ASIC2: variants seen among roughly 807,000 people sequenced by gnomAD.
The protein encoded by ASIC2 is acid-sensing ion channel 2.
ASIC2 carries 25 observed loss-of-function variants against 57.3 expected under a neutral mutation model. The ratio of observed to expected loss-of-function variants is 0.44; its 90% CI spans 0.32 to 0.61. ASIC2 has a LOEUF of 0.61. Ranked by LOEUF, ASIC2 falls within the 20% of genes least tolerant of loss-of-function variation. The pLI, the probability that ASIC2 is intolerant of heterozygous loss-of-function variation, is 0.06. For synonymous variants in ASIC2, 319 were observed against 307.5 expected, an observed-to-expected ratio of 1.04 and a Z score of -0.39; for missense variants, 641 against 738.1, an observed-to-expected ratio of 0.87 and a Z score of 1.52.
intron 1 of ASIC2, among the ~76,000 whole-genome samples, chr17:33,187,515 A>C (rs775549213): frequency 5.9e-5 from 9 of 152,210 alleles, no homozygotes; most frequent in Non-Finnish European, 1.0e-4. Context: ...TGCTTAATAA[A>C]GATGTGTTTG....
intron 1 of ASIC2, among the ~76,000 whole-genome samples, chr17:33,214,658 G>A (rs1173911326): frequency 1.4e-5 from 2 of 140,662 alleles, no homozygotes; most frequent in Non-Finnish European, 3.1e-5. Context: ...ATAGGTCTGG[G>A]GTGGCCTGAA....
intron 1 of ASIC2, among the ~76,000 whole-genome samples, chr17:34,058,203 T>C (rs572171526): frequency 1.7e-3 from 261 of 152,352 alleles, no homozygotes; most frequent in Admixed American, 3.8e-3. Flanking sequence ...TGTCATCTTC[T>C]GGCTAGACAG....
intron 1 of ASIC2, among the ~76,000 whole-genome samples, chr17:33,605,643 A>T (rs1400497136): frequency 1.3e-5 from 2 of 152,228 alleles, no homozygotes; most frequent in Non-Finnish European, 2.9e-5. Flanking sequence ...TGGGGTGGCA[A>T]CAATGTATAC....
intron 1 of ASIC2, among the ~76,000 whole-genome samples, chr17:34,019,032 C>T (rs1000417329): frequency 2.0e-5 from 3 of 152,214 alleles, no homozygotes; most frequent in South Asian, 2.1e-4. Context: ...CTCAGCCTCC[C>T]GAGTAGCTGG....
chr17:33,961,567 C>G (rs1030682464), intron 1 of ASIC2, among the ~76,000 whole-genome samples: 2 of 152,094 alleles, frequency 1.3e-5, no homozygotes, highest in African/African-American at 4.8e-5. Context: ...ACAGGGGCAG[C>G]CAAAGAGGTG....
chr17:34,022,493 GA>G, intron 1 of ASIC2, among the ~76,000 whole-genome samples: 1 of 152,106 alleles, frequency 6.6e-6, no homozygotes, highest in East Asian at 1.9e-4. Context: ...ATCCACCCTT[GA>G]AATTCTCTAT....
At chr17:33,436,613 A>G (rs560796790) in intron 1 of ASIC2, among the ~76,000 whole-genome samples, 148 of 152,226 alleles carry the variant, frequency 9.7e-4, no homozygotes, top group African/African-American at 3.5e-3. Context: ...TCTGTCCACC[A>G]AATTATCCAT....
At chr17:33,964,625 TAGAAGCCC>T (rs1454702518) in intron 1 of ASIC2, among the ~76,000 whole-genome samples, 2 of 152,202 alleles carry the variant, frequency 1.3e-5, no homozygotes, top group African/African-American at 4.8e-5. Flanking sequence ...CTTGTGTCAT[TAGAAGCCC>T]AGTTCCTCTT....
intron 1 of ASIC2, among the ~76,000 whole-genome samples, chr17:33,703,509 T>C (rs1728594671): frequency 6.6e-6 from 1 of 152,034 alleles, no homozygotes; most frequent in South Asian, 2.1e-4. Flanking sequence ...CAAGCCACCA[T>C]GCCCGACTAA....
intron 1 of ASIC2, among the ~76,000 whole-genome samples, chr17:33,317,005 T>C (rs1234372878): frequency 6.6e-6 from 1 of 152,238 alleles, no homozygotes; most frequent in Non-Finnish European, 1.5e-5. Flanking sequence ...CAGGACCAGC[T>C]TCAGAGACCT....
intron 1 of ASIC2, among the ~76,000 whole-genome samples, chr17:33,645,715 C>G (rs1906718979): frequency 6.6e-6 from 1 of 152,224 alleles, no homozygotes; most frequent in South Asian, 2.1e-4. Flanking sequence ...CTGATAAAGT[C>G]AGTCCACAAG....
At chr17:33,064,218 TGGA>T (rs371668457) in intron 3 of ASIC2, among the ~76,000 whole-genome samples, 2,392 of 152,318 alleles carry the variant, frequency 0.016, 50 homozygotes, top group African/African-American at 0.053. Flanking sequence ...TGCGTTCCTT[TGGA>T]GGAGGAGAGG....
intron 1 of ASIC2, among the ~76,000 whole-genome samples, chr17:33,487,015 T>C (rs1913596483): frequency 6.6e-6 from 1 of 152,192 alleles, no homozygotes; most frequent in African/African-American, 2.4e-5. Flanking sequence ...TTGGAAATCA[T>C]CCTGCAGTAG....
At chr17:34,081,543 T>C (rs934110127) in intron 1 of ASIC2, among the ~76,000 whole-genome samples, 1 of 152,132 alleles carries the variant, frequency 6.6e-6, no homozygotes, top group Non-Finnish European at 1.5e-5. Context: ...CCTTGGGTCA[T>C]TGGATAGCGC....
At chr17:33,681,978 G>C (rs948864432) in intron 1 of ASIC2, among the ~76,000 whole-genome samples, 2 of 151,328 alleles carry the variant, frequency 1.3e-5, no homozygotes, top group Non-Finnish European at 2.9e-5. Context: ...ATAAAAGGTA[G>C]TGCTTGTACA....
chr17:33,115,457 C>T (rs2092277337), intron 1 of ASIC2, among the ~76,000 whole-genome samples: 1 of 152,228 alleles, frequency 6.6e-6, no homozygotes, highest in Non-Finnish European at 1.5e-5. Flanking sequence ...CCCTGACACA[C>T]TTTCTCCCTG....
intron 1 of ASIC2, among the ~76,000 whole-genome samples, chr17:33,372,972 T>G (rs781277576): frequency 1.3e-5 from 2 of 152,158 alleles, no homozygotes; most frequent in Non-Finnish European, 2.9e-5. Context: ...TAATTTGGGT[T>G]AGGGCGTGGG....
chr17:34,156,289 G>A lies in ASIC2; in HGVS notation c.244C>T (p.Gln82Ter). 1 of 1,614,190 alleles carries A rather than the reference G, an allele frequency of 6.2e-7. No individual in the cohort carries two copies. The highest frequency in any genetic ancestry group is 8.5e-7 in the Non-Finnish European group (1 of 1,180,040). Reference sequence around the variant, plus strand: ...GTCACAGCTGGGAAGACCAGGCTTTGAGCCACCACTTCGTCCACCTTAGTG... The same window carrying A: ...GTCACAGCTGGGAAGACCAGGCTTTAAGCCACCACTTCGTCCACCTTAGTG... Residue 82 changes from glutamine (Q) to a stop codon, truncating the protein, a stop_gained, in exon 1 of 10, where the codon CAA becomes TAA. Coordinates refer to the ASIC2 transcript ENST00000359872. LOFTEE classifies it high-confidence loss of function. The surrounding 1 kb of genome is among the most constrained non-coding windows in gnomAD (Gnocchi z 4.4).
chr17:33,771,012 G>A (rs1357124184), intron 1 of ASIC2, among the ~76,000 whole-genome samples: 1 of 152,190 alleles, frequency 6.6e-6, no homozygotes, highest in Non-Finnish European at 1.5e-5. Flanking sequence ...GGACAGTGGG[G>A]ATTGGGGGAC....
Sources: gnomAD v4.1 joint callset for allele counts (sites outside exome capture counted in the v4.1 genomes callset) on GRCh38, gnomAD v4.1.1 for gene constraint, Gnocchi (gnomAD v3.1) non-coding constraint, MANE v1.5 for transcripts, NCBI Gene and HGNC (gene_info 2026-07-23, HGNC 2026-07-21) for gene names.